The following PFKP variants were observed in gnomAD, a reference collection of about 807,000 sequenced individuals.
The protein encoded by PFKP is ATP-dependent 6-phosphofructokinase, platelet type.
Under a neutral mutation model 94.3 loss-of-function variants are expected in PFKP, and 101 were observed. That is an observed-to-expected ratio of 1.07 (90% CI 0.91 to 1.26). The LOEUF (loss-of-function observed/expected upper bound fraction) is 1.26. Among genes scored for constraint, PFKP ranks in the 50% most tolerant of loss-of-function variants. PFKP has a pLI of 0.00. For synonymous variants in PFKP, 573 were observed against 432.6 expected (o/e 1.32, Z -4.03); for missense variants, 1,145 against 1,103.3 (o/e 1.04, Z -0.53).
chr10:3,090,225 G>A (rs1833937253), intron 2 of PFKP, among the ~76,000 whole-genome samples: 1 of 152,204 alleles, frequency 6.6e-6, no homozygotes, highest in Non-Finnish European at 1.5e-5. Flanking sequence ...AAAATCCCAA[G>A]TCTTCTGAGT....
At chr10:3,100,841 A>G in intron 3 of PFKP, 3 of 624,762 alleles carry the variant, frequency 4.8e-6, no homozygotes, top group Non-Finnish European at 8.3e-6. Flanking sequence ...GCTCTTTAAA[A>G]GGGGCAGCGA....
intron 3 of PFKP, chr10:3,100,875 A>AAC: frequency 8.7e-7 from 1 of 1,152,886 alleles, no homozygotes; most frequent in Non-Finnish European, 1.3e-6. Flanking sequence ...AAAAAAAAAA[A>AAC]AAAAAAATCC....
At chr10:3,093,850 A>G (rs560292645) in intron 2 of PFKP, among the ~76,000 whole-genome samples, 22 of 152,138 alleles carry the variant, frequency 1.4e-4, no homozygotes, top group East Asian at 9.7e-4. Context: ...TCACCGTGTT[A>G]GCCAGGATGG....
At chr10:3,113,033 G>A in intron 11 of PFKP, 86 bp from the exon 12 acceptor site, 1 of 1,197,814 alleles carries the variant, frequency 8.3e-7, no homozygotes, top group South Asian at 1.3e-5. Flanking sequence ...ATTGAGTGCT[G>A]GCAGATAAGC....
intron 15 of PFKP, among the ~76,000 whole-genome samples, chr10:3,119,297 C>CA (rs2131636173): frequency 6.6e-6 from 1 of 152,264 alleles, no homozygotes; most frequent in African/African-American, 2.4e-5. Flanking sequence ...GTAACCTTTC[C>CA]ATTTACTTTT....
At chr10:3,115,473 G>GCT (rs1446423326) in intron 13 of PFKP, among the ~76,000 whole-genome samples, 7 of 9,266 alleles carry the variant, frequency 7.6e-4, no homozygotes, top group East Asian at 0.015. Context: ...GTCCCGCCAT[G>GCT]GAGGACAGGA....
rs1195511551 is a variant in PFKP, at chr10:3,097,080, A to AAAAAAC, written c.187-2191_187-2190insACAAAA. Among the ~76,000 whole-genome samples, 22 of 142,604 alleles carry AAAAAAC rather than the reference A, an allele frequency of 1.5e-4. 5 individuals carry two copies. The highest frequency in any genetic ancestry group is 2.9e-4 in the Non-Finnish European group (19 of 65,204). 93.6% of individuals were successfully genotyped at this position (142,604 alleles called of 152,430 possible). On this transcript the variant is annotated intron_variant, in intron 2 of 21. Coordinates refer to ENST00000381125, the MANE Select transcript of PFKP (RefSeq NM_002627.5). ...GTGACACAGCGAGACTCCGTCTCAAAAAAACAAAAAACAAAAAAACCTGGG... is the reference window on the plus strand; with the variant it reads ...GTGACACAGCGAGACTCCGTCTCAAAAAAAACAAAACAAAAAACAAAAAAACCTGGG...
intron 15 of PFKP, among the ~76,000 whole-genome samples, chr10:3,119,072 T>C (rs1423737219): frequency 7.4e-6 from 1 of 135,402 alleles, no homozygotes; most frequent in African/African-American, 2.8e-5. Flanking sequence ...TAAAGCAACT[T>C]AACCGAGAAG....
At chr10:3,080,106 C>G (rs1832934683) in intron 1 of PFKP, among the ~76,000 whole-genome samples, 1 of 151,764 alleles carries the variant, frequency 6.6e-6, no homozygotes. Context: ...GAACAGGAGC[C>G]TCCGAGTGCT....
chr10:3,101,314 CT>C, intron 3 of PFKP, 50 bp from the exon 4 acceptor site: 3 of 1,454,670 alleles, frequency 2.1e-6, no homozygotes, highest in Non-Finnish European at 2.8e-6. Context: ...TGCCATCCAC[CT>C]GGCGCTCTCT....
chr10:3,132,394 C>T lies in PFKP; in HGVS notation c.1863C>T (p.His621=). ...CTCTCTTCCAGTCCAACGTGGAGCA[C>T]CTGACGGAGAAAATGAAGACCACCA... ...DIRDLQSNVE[H]LTEKMKTTIQ... The change falls in exon 18 of 22, where the codon CAC becomes CAT. Residue 621 remains histidine, a synonymous_variant. Transcript: ENST00000381125. The T allele has an allele frequency of 1.2e-6, 2 of 1,611,762 alleles. No homozygotes were observed. The highest frequency in any genetic ancestry group is 1.7e-6 in the Non-Finnish European group (2 of 1,177,902).
chr10:3,108,602 A>G (rs570562099), intron 8 of PFKP, 99 bp from the exon 9 acceptor site: 1 of 841,694 alleles, frequency 1.2e-6, no homozygotes, highest in Non-Finnish European at 2.0e-6. Flanking sequence ...ATCTGAAGAA[A>G]GAGCGAAAAA....
intron 21 of PFKP, 96 bp downstream of exon 21, chr10:3,135,934 G>C (rs1235732747): frequency 3.9e-6 from 3 of 760,960 alleles, no homozygotes; most frequent in Non-Finnish European, 6.8e-6. Flanking sequence ...TCATTCAGGG[G>C]TTTGAGGAAC....
intron 2 of PFKP, among the ~76,000 whole-genome samples, chr10:3,086,258 G>A (rs567947112): frequency 6.6e-6 from 1 of 152,310 alleles, no homozygotes; most frequent in East Asian, 1.9e-4. Flanking sequence ...GTGGAAGTTA[G>A]TTCCCTCACA....
chr10:3,114,854 G>A (rs542395362), intron 13 of PFKP, among the ~76,000 whole-genome samples: 68 of 152,354 alleles, frequency 4.5e-4, no homozygotes, highest in South Asian at 3.5e-3. Context: ...TGTGAGATTC[G>A]AAGGTCCTGA....
intron 2 of PFKP, among the ~76,000 whole-genome samples, chr10:3,098,672 C>CA (rs5782682): frequency 0.01 from 1,108 of 107,176 alleles, 27 homozygotes; most frequent in African/African-American, 0.013. Context: ...GACTCCGTCT[C>CA]AAAAAAAAAA....
chr10:3,123,619 TC>T (rs1284457201), intron 16 of PFKP, among the ~76,000 whole-genome samples: 3 of 152,134 alleles, frequency 2.0e-5, no homozygotes, highest in African/African-American at 7.2e-5. Flanking sequence ...AACAGCCGGC[TC>T]CCCACAGCCA....
At chr10:3,086,845 G>A (rs768480776) in intron 2 of PFKP, among the ~76,000 whole-genome samples, 16 of 152,278 alleles carry the variant, frequency 1.1e-4, no homozygotes, top group Non-Finnish European at 1.8e-4. Flanking sequence ...GTAGTCGCCC[G>A]TCTGTTTCCT....
At chr10:3,101,336 G>A (rs1318921376) in intron 3 of PFKP, 29 bp from the exon 4 acceptor site, 2 of 1,549,564 alleles carry the variant, frequency 1.3e-6, no homozygotes, top group African/African-American at 2.7e-5. Context: ...CAGACTGAGA[G>A]GAGATAAATT....
Sources: allele counts gnomAD v4.1 joint callset (sites outside exome capture counted in the v4.1 genomes callset), GRCh38; gene constraint gnomAD v4.1.1; transcripts MANE v1.5; gene names NCBI Gene and HGNC (gene_info 2026-07-23, HGNC 2026-07-21).